Variants in SHLD1 observed in about 807,000 individuals in gnomAD.
SHLD1 encodes the protein RINN1-REV7-interacting novel NHEJ regulator 3.
SHLD1 carries 3 observed loss-of-function variants against 5.5 expected under a neutral mutation model. The observed-to-expected ratio is 0.54, with a 90% CI of 0.25 to 1.40. The LOEUF (loss-of-function observed/expected upper bound fraction) is 1.40. Ranked by LOEUF, SHLD1 falls within the 40% of genes most tolerant of loss-of-function variation. The pLI, the probability that SHLD1 is intolerant of heterozygous loss-of-function variation, is 0.15. For synonymous variants in SHLD1, 92 were observed against 94.3 expected (o/e 0.98, Z 0.14); for missense variants, 210 against 244.4 (o/e 0.86, Z 0.94).
chr20:5,773,335 G>T, intron 2 of SHLD1: 8 of 588,340 alleles, frequency 1.4e-5, no homozygotes, highest in Non-Finnish European at 2.4e-5. Flanking sequence ...GGGAATATTT[G>T]GTTCAACAAA....
intron 2 of SHLD1, among the ~76,000 whole-genome samples, chr20:5,802,923 C>A (rs1432273702): frequency 6.6e-6 from 1 of 152,178 alleles, no homozygotes; most frequent in African/African-American, 2.4e-5. Context: ...AATTCTTCAT[C>A]ACTCACTGCA....
chr20:5,780,083 A>T (rs867085089), intron 2 of SHLD1, among the ~76,000 whole-genome samples: 71 of 141,090 alleles, frequency 5.0e-4, no homozygotes, highest in African/African-American at 1.9e-3. Context: ...GGCTCAAGTG[A>T]TTCTCATGCC....
chr20:5,753,281 A>G (rs1426951579), intron 1 of SHLD1, among the ~76,000 whole-genome samples: 1 of 152,162 alleles, frequency 6.6e-6, no homozygotes, highest in Non-Finnish European at 1.5e-5. Flanking sequence ...GGTCTTGTTT[A>G]TAATTTGGTA....
At chr20:5,799,276 T>G (rs952687050) in intron 2 of SHLD1, among the ~76,000 whole-genome samples, 1 of 149,710 alleles carries the variant, frequency 6.7e-6, no homozygotes, top group African/African-American at 2.4e-5. Context: ...ATTCTCTCTC[T>G]CTCGCTCTCT....
chr20:5,839,680 C>G (rs1397331233), intron 2 of SHLD1, among the ~76,000 whole-genome samples: 1 of 152,186 alleles, frequency 6.6e-6, no homozygotes, highest in East Asian at 1.9e-4. Context: ...AAAGCAGAGG[C>G]TAAATAACTG....
intron 1 of SHLD1, among the ~76,000 whole-genome samples, chr20:5,771,412 A>T (rs1301972559): frequency 6.6e-6 from 1 of 152,154 alleles, no homozygotes; most frequent in African/African-American, 2.4e-5. Flanking sequence ...CTATTCTTGA[A>T]TCTGTGTAAC....
intron 2 of SHLD1, among the ~76,000 whole-genome samples, chr20:5,860,422 C>T (rs1375133819): frequency 6.6e-6 from 1 of 151,982 alleles, no homozygotes; most frequent in African/African-American, 2.4e-5. Flanking sequence ...ATCAGGCCAC[C>T]AATCCTGATT....
chr20:5,820,668 A>C (rs1568519132), intron 2 of SHLD1, among the ~76,000 whole-genome samples: 1 of 152,250 alleles, frequency 6.6e-6, no homozygotes, highest in Non-Finnish European at 1.5e-5. Context: ...CAAAGTGAAG[A>C]AGGGAAAATA....
chr20:5,807,831 T>C (rs1456006187), intron 2 of SHLD1, among the ~76,000 whole-genome samples: 2 of 152,238 alleles, frequency 1.3e-5, no homozygotes, highest in African/African-American at 2.4e-5. Context: ...TTTTGTAGAC[T>C]TACTGCTACT....
At chr20:5,791,563 C>CAAAA (rs34606715) in intron 2 of SHLD1, among the ~76,000 whole-genome samples, 6 of 61,006 alleles carry the variant, frequency 9.8e-5, no homozygotes, top group African/African-American at 2.9e-4. Flanking sequence ...GACCCTGTCT[C>CAAAA]AAAAAAAAAA....
chr20:5,765,742 AAAT>A (rs750565130), intron 1 of SHLD1, among the ~76,000 whole-genome samples: 3 of 149,864 alleles, frequency 2.0e-5, no homozygotes, highest in Non-Finnish European at 4.4e-5. Context: ...ACTGAGTCCC[AAAT>A]AATGTATTTT....
At chr20:5,776,069 AG>A (rs1327982743) in intron 2 of SHLD1, among the ~76,000 whole-genome samples, 4 of 151,824 alleles carry the variant, frequency 2.6e-5, no homozygotes, top group Non-Finnish European at 5.9e-5. Flanking sequence ...CTGGAATTAC[AG>A]GTGAGCGCAA....
chr20:5,858,825 A>G (rs1447520692), intron 2 of SHLD1, among the ~76,000 whole-genome samples: 1 of 152,072 alleles, frequency 6.6e-6, no homozygotes, highest in Non-Finnish European at 1.5e-5. Flanking sequence ...ACAGAGTAAG[A>G]CTTCACCTCA....
intron 2 of SHLD1, among the ~76,000 whole-genome samples, chr20:5,831,727 ATCTCTCTC>A (rs368300547): frequency 6.7e-6 from 1 of 149,800 alleles, no homozygotes. Context: ...AATCCCTTTG[ATCTCTCTC>A]TCTCTCTCTC....
intron 2 of SHLD1, among the ~76,000 whole-genome samples, chr20:5,843,492 T>G (rs1043058973): frequency 6.6e-5 from 10 of 152,250 alleles, no homozygotes; most frequent in African/African-American, 2.2e-4. Context: ...GGCTCTCAGC[T>G]TTATGTGGTG....
At chr20:5,844,799 A>ATTTTTTTT (rs1161478171) in intron 2 of SHLD1, among the ~76,000 whole-genome samples, 5 of 71,688 alleles carry the variant, frequency 7.0e-5, no homozygotes, top group African/African-American at 1.7e-4. Flanking sequence ...ATATATATAT[A>ATTTTTTTT]TTTTTTTTTT....
chr20:5,811,173 T>G (rs2087453951), intron 2 of SHLD1, among the ~76,000 whole-genome samples: 1 of 152,124 alleles, frequency 6.6e-6, no homozygotes, highest in Non-Finnish European at 1.5e-5. Context: ...TCTCTCCAAA[T>G]TACGTACCAG....
At chr20:5,790,451 CTTT>C (rs71197798) in intron 2 of SHLD1, among the ~76,000 whole-genome samples, 38 of 91,092 alleles carry the variant, frequency 4.2e-4, no homozygotes, top group Admixed American at 6.4e-4. Context: ...TAAAGGATTT[CTTT>C]TTTTTTTTTT....
intron 2 of SHLD1, among the ~76,000 whole-genome samples, chr20:5,817,432 C>CTCTCTCTCTCTCTCTGTGTGTGTGTGTG (rs1473391202): frequency 7.0e-5 from 6 of 85,660 alleles, no homozygotes; most frequent in African/African-American, 3.3e-4. Flanking sequence ...CTCTCTCTCT[C>CTCTCTCTCTCTCTCTGTGTGTGTGTGTG]TGTGTGTGTG....
Sources: allele counts gnomAD v4.1 joint callset (sites outside exome capture counted in the v4.1 genomes callset), GRCh38; gene constraint gnomAD v4.1.1; transcripts MANE v1.5; gene names NCBI Gene and HGNC (gene_info 2026-07-23, HGNC 2026-07-21).